The following MEMO1 variants were observed in gnomAD, a reference collection of about 807,000 sequenced individuals.
MEMO1 encodes mediator of cell motility 1.
In MEMO1, 6 loss-of-function variants were observed where a neutral mutation model predicts 45.2. The observed-to-expected ratio is 0.13, with a 90% CI of 0.07 to 0.26. MEMO1 has a LOEUF of 0.26. Ranked by LOEUF, MEMO1 falls within the 10% of genes least tolerant of loss-of-function variation. The probability of loss-of-function intolerance (pLI) is 1.00; values close to 1 mark genes in which losing one functional copy is unlikely to be tolerated. For missense variants in MEMO1, 184 were observed against 370.5 expected (o/e 0.50, Z 4.13); for synonymous variants, 78 against 124.3 (o/e 0.63, Z 2.48).
At chr2:31,973,624 T>C (rs1026023421) in intron 2 of MEMO1, among the ~76,000 whole-genome samples, 1 of 152,190 alleles carries the variant, frequency 6.6e-6, no homozygotes, top group African/African-American at 2.4e-5. Context: ...CAATAAAGTA[T>C]TATTCAGTCA....
intron 4 of MEMO1, among the ~76,000 whole-genome samples, chr2:31,926,728 T>TC (rs1335388411): frequency 6.6e-6 from 1 of 151,844 alleles, no homozygotes; most frequent in Non-Finnish European, 1.5e-5. Flanking sequence ...GTGCCTGTAA[T>TC]CCTACCTACT....
intron 6 of MEMO1, among the ~76,000 whole-genome samples, chr2:31,900,226 C>T (rs1038796562): frequency 1.1e-4 from 16 of 152,188 alleles, no homozygotes; most frequent in African/African-American, 3.1e-4. Context: ...AAGACACATG[C>T]ACACATATGT....
intron 2 of MEMO1, among the ~76,000 whole-genome samples, chr2:31,990,574 T>C (rs945802303): frequency 6.7e-6 from 1 of 148,928 alleles, no homozygotes; most frequent in African/African-American, 2.4e-5. Flanking sequence ...TTTTTTTCTT[T>C]TTTTTTTTTT....
rs567576466 is a variant in MEMO1 at position 32,009,471 on chromosome 2, G to A, written c.61+716C>T. Among the ~76,000 whole-genome samples the A allele has an allele frequency of 5.3e-5, 8 of 152,090 alleles. No homozygotes were observed. In the East Asian group the frequency reaches 1.5e-3, roughly 29 times the overall value. ...CCTCTGACAGATCTCCCCATGCAGAGACCTCGTCTGTAGTCTGGTAACGTA... is the reference window on the plus strand; with the variant it reads ...CCTCTGACAGATCTCCCCATGCAGAAACCTCGTCTGTAGTCTGGTAACGTA... On this transcript the variant is annotated intron_variant, in intron 2 of 9. Transcript: ENST00000404530.
At chr2:31,933,341 AAAAAAAAATT>A (rs1558514133) in intron 3 of MEMO1, among the ~76,000 whole-genome samples, 32 of 64,038 alleles carry the variant, frequency 5.0e-4, no homozygotes, top group African/African-American at 2.2e-3. Context: ...AAAAAAAAAA[AAAAAAAAATT>A]TATATATATA....
chr2:31,883,518 A>C (rs1298452732), intron 7 of MEMO1, 56 bp from the exon 8 acceptor site: 3 of 1,283,434 alleles, frequency 2.3e-6, no homozygotes, highest in Non-Finnish European at 3.3e-6. Context: ...AGCTAAAAAG[A>C]AAGCAAGCGC....
chr2:31,982,297 G>GAA (rs780168253), intron 2 of MEMO1, among the ~76,000 whole-genome samples: 1 of 82,248 alleles, frequency 1.2e-5, no homozygotes, highest in East Asian at 3.6e-4. Flanking sequence ...CTCTGTCTTC[G>GAA]AAAAAAAAAA....
intron 2 of MEMO1, among the ~76,000 whole-genome samples, chr2:32,003,896 T>G (rs1201781993): frequency 1.3e-5 from 2 of 152,012 alleles, no homozygotes; most frequent in African/African-American, 2.4e-5. Flanking sequence ...TACAAAAAAT[T>G]TTAACAATTA....
chr2:31,969,294 T>C (rs566400526), intron 2 of MEMO1, among the ~76,000 whole-genome samples: 1 of 151,116 alleles, frequency 6.6e-6, no homozygotes, highest in East Asian at 1.9e-4. Context: ...GCTTTATACA[T>C]AATATATATA....
At chr2:31,992,728 G>A (rs1672098493) in intron 2 of MEMO1, among the ~76,000 whole-genome samples, 1 of 152,138 alleles carries the variant, frequency 6.6e-6, no homozygotes, top group Non-Finnish European at 1.5e-5. Context: ...AGGGTGCAGT[G>A]AGCCGAGATC....
chr2:31,897,198 T>C lies in MEMO1; in HGVS notation c.438-5064A>G, dbSNP rs147917207. On this transcript the variant is annotated intron_variant, in intron 6 of 9. Coordinates refer to ENST00000404530, the MANE Select transcript of MEMO1 (RefSeq NM_001301833.4). The stretch of plus-strand genomic sequence containing the variant: ...ACAATTTGACTTCCTCTCTTCCTAT[T>C]TGAATACAGTTTATTTCTTTCTCTT... Among the ~76,000 whole-genome samples, 433 of 152,058 alleles carry C rather than the reference T, an allele frequency of 2.8e-3. 1 individual carries two copies. Among genetic ancestry groups the C allele is most frequent in the Non-Finnish European group, 4.5e-3 (306 of 68,030 alleles).
At chr2:31,869,655 G>A (rs1673376716) in intron 9 of MEMO1, among the ~76,000 whole-genome samples, 193 bp downstream of exon 9, 2 of 151,960 alleles carry the variant, frequency 1.3e-5, no homozygotes, top group Admixed American at 1.3e-4. Context: ...AGAAAGTATT[G>A]AACTGTATTC....
intron 6 of MEMO1, chr2:31,893,099 G>A (rs1279143592): frequency 6.0e-6 from 1 of 166,896 alleles, no homozygotes; most frequent in Non-Finnish European, 1.4e-5. Context: ...ATGATAATCT[G>A]GCACTTAACT....
chr2:32,002,142 C>A (rs1315419441), intron 2 of MEMO1, among the ~76,000 whole-genome samples: 3 of 56,230 alleles, frequency 5.3e-5, no homozygotes, highest in South Asian at 8.0e-4. Context: ...GAGACTCTGT[C>A]TCAAAAAAAA....
At chr2:31,904,426 C>T (rs2148065922) in intron 6 of MEMO1, among the ~76,000 whole-genome samples, 1 of 152,290 alleles carries the variant, frequency 6.6e-6, no homozygotes, top group African/African-American at 2.4e-5. Context: ...CAATAAAAAT[C>T]CTGGATTTTA....
At chr2:31,896,671 C>G (rs982796720) in intron 6 of MEMO1, among the ~76,000 whole-genome samples, 2 of 151,988 alleles carry the variant, frequency 1.3e-5, no homozygotes, top group Admixed American at 6.6e-5. Flanking sequence ...AAGTTGATAA[C>G]TGAATTTAAC....
At chr2:31,945,002 T>TA (rs1259680481) in intron 2 of MEMO1, among the ~76,000 whole-genome samples, 1 of 152,204 alleles carries the variant, frequency 6.6e-6, no homozygotes, top group Non-Finnish European at 1.5e-5. Context: ...GATCCCTTTG[T>TA]ACATCTCCCT....
intron 8 of MEMO1, among the ~76,000 whole-genome samples, chr2:31,870,415 T>C (rs1451728916): frequency 6.6e-6 from 1 of 152,188 alleles, no homozygotes; most frequent in African/African-American, 2.4e-5. Context: ...ATAATTTTAA[T>C]TGAACTATTT....
rs182915375 is a variant in MEMO1 at position 31,995,565 on chromosome 2, C to T, written c.61+14622G>A. Among the ~76,000 whole-genome samples, 33 of 151,980 alleles carry T rather than the reference C, an allele frequency of 2.2e-4. 1 individual carries two copies. The highest frequency in any genetic ancestry group is 1.7e-3 in the Admixed American group (26 of 15,238). ...CAAAATTAGATACTGCAGAAGATCA[C>T]TGAACTTGAGAACAAAGCAAAATAA... On this transcript the variant is annotated intron_variant, in intron 2 of 9. Transcript: ENST00000404530.
Sources: allele counts gnomAD v4.1 joint callset (sites outside exome capture counted in the v4.1 genomes callset), GRCh38; gene constraint gnomAD v4.1.1; transcripts MANE v1.5; gene names NCBI Gene and HGNC (gene_info 2026-07-23, HGNC 2026-07-21).